Variants in SBF1 observed in about 807,000 individuals in gnomAD.
The protein encoded by SBF1 is myotubularin-related protein 5.
SBF1 carries 65 observed loss-of-function variants against 215.8 expected under a neutral mutation model. The observed-to-expected ratio is 0.30, with a 90% confidence interval of 0.25 to 0.37. The LOEUF (loss-of-function observed/expected upper bound fraction) is 0.37. Among genes scored for constraint, SBF1 ranks in the 10% least tolerant of loss-of-function variants. The pLI is 1.00. For missense variants in SBF1, 2,634 were observed against 2,667.8 expected (o/e 0.99, Z 0.28); for synonymous variants, 1,410 against 1,122.8 (o/e 1.26, Z -5.11).
chr22:50,447,508 A>G lies in SBF1; in HGVS notation c.5451+14T>C, dbSNP rs1315491754. 4 of 1,269,988 alleles carry G rather than the reference A, an allele frequency of 3.1e-6. No homozygotes were observed. Among genetic ancestry groups the G allele is most frequent in the Admixed American group, 1.9e-5 (1 of 53,786 alleles). The allele number at this position is 1,269,988 out of a possible 1,614,324, so 78.7% of individuals were successfully genotyped here. A position where few individuals can be genotyped will look rare whatever the true frequency, so the allele number is the denominator to read the frequency against. On this transcript the variant is annotated intron_variant, in intron 39 of 40. Coordinates refer to ENST00000380817, the MANE Select transcript of SBF1 (RefSeq NM_002972.4). ...CCCTCCCCCGTGAGTCCCCCCCACC[A>G]CCTGATCACTCACCTGGTGCTTGGT...
intron 36 of SBF1, among the ~76,000 whole-genome samples, chr22:50,452,723 CAAAAAAAA>C: frequency 2.5e-5 from 1 of 39,536 alleles, no homozygotes; most frequent in South Asian, 1.7e-3. Context: ...CTCCATCTCT[CAAAAAAAA>C]AAAAAAAAAA....
chr22:50,474,743 G>T, intron 1 of SBF1, 43 bp downstream of exon 1: 1 of 1,433,960 alleles, frequency 7.0e-7, no homozygotes, highest in Admixed American at 2.4e-5. Flanking sequence ...CTCAGCACTC[G>T]ACCCTCGGCC....
In SBF1 at chr22:50,463,331, G is replaced by A; in HGVS notation, c.1851C>T (p.Asp617=). Reference sequence around the variant, plus strand: ...GGACGACAAAGTCAAACTGCTGGTGGTCCAGGACCGCACGGTTCTGCTGCA... The same window carrying A: ...GGACGACAAAGTCAAACTGCTGGTGATCCAGGACCGCACGGTTCTGCTGCA... ...LHVQQNRAVL[D]HQQFDFVVRM... Residue 617 remains aspartate (D), a synonymous_variant, in exon 16 of 41, where the codon GAC becomes GAT. Coordinates refer to ENST00000380817, the MANE Select transcript of SBF1 (RefSeq NM_002972.4). 8.7e-6 allele frequency: 14 copies of A among 1,612,922 alleles called. No homozygotes were observed. The highest frequency in any genetic ancestry group is 1.2e-5 in the Non-Finnish European group (14 of 1,179,568).
chr22:50,473,298 G>C (rs982826913), intron 1 of SBF1, among the ~76,000 whole-genome samples: 3 of 152,102 alleles, frequency 2.0e-5, no homozygotes, highest in African/African-American at 7.2e-5. Context: ...ACAGCCCTCA[G>C]CCAGCCTTGC....
chr22:50,456,704 AG>A, intron 29 of SBF1, 31 bp from the exon 30 acceptor site: 1 of 1,446,094 alleles, frequency 6.9e-7, no homozygotes, highest in Non-Finnish European at 9.1e-7. Flanking sequence ...AAGCACCCAA[AG>A]GGGGCCAGGG....
intron 5 of SBF1, 91 bp downstream of exon 5, chr22:50,467,245 CTG>C: frequency 5.8e-6 from 6 of 1,037,936 alleles, no homozygotes; most frequent in Non-Finnish European, 8.8e-6. Flanking sequence ...AGGCCTCCAG[CTG>C]TGTGTGGCTC....
chr22:50,463,397 T>A lies in SBF1; in HGVS notation c.1785A>T (p.Arg595=), dbSNP rs1376129417. ...LPAVLRALKG[R]AARRCLAQEL... ...CCTGGGCGAGGCAGCGGCGGGCAGC[T>A]CGCCCCTTCAGGGCCCTCAACACGG... The change falls in exon 16 of 41, where the codon CGA becomes CGT. Residue 595 remains arginine, a synonymous_variant. Coordinates refer to ENST00000380817, the MANE Select transcript of SBF1 (RefSeq NM_002972.4). 6.3e-7 allele frequency: 1 copy of A among 1,590,146 alleles called. No individual in the cohort carries two copies. The highest frequency in any genetic ancestry group is 8.6e-7 in the Non-Finnish European group (1 of 1,167,490).
Position 50,454,854 on chromosome 22 carries a change from G to A in SBF1, c.4772C>T (p.Pro1591Leu). Residue 1591 changes from proline (P) to leucine (L), a missense_variant, in exon 35 of 41, where the codon CCT becomes CTT. Physicochemically the swap from Pro to Leu is moderately conservative, Grantham distance 98. Transcript: ENST00000380817. The part of the protein sequence containing the change: ...EYVDRLSKRT[P>L]VFHNYMYAPE... ...CGCATACATGTAATTGTGGAACACAGGCGTCCTCTTGCTCAGCCGGTCCAC... is the reference window on the plus strand; with the variant it reads ...CGCATACATGTAATTGTGGAACACAAGCGTCCTCTTGCTCAGCCGGTCCAC... 2 of 1,614,076 alleles carry A rather than the reference G, an allele frequency of 1.2e-6. No homozygotes were observed. The highest frequency in any genetic ancestry group is 1.6e-4 in the Middle Eastern group (1 of 6,062).
In SBF1 at chr22:50,464,363, T is replaced by C. The variant is rs747142107; in HGVS notation, c.1715A>G (p.Tyr572Cys). 9.3e-6 allele frequency: 15 copies of C among 1,613,922 alleles called. No homozygotes were observed. The highest frequency in any genetic ancestry group is 5.0e-5 in the Admixed American group (3 of 60,006). ...RLEVVRNCIS[Y>C]VFEGKMLEAK... is the part of the protein sequence containing the mutation. ...CTCAAGCATTTTCCCCTCAAACACG[T>C]AGGAGATGCAGTTGCGCACAACCTC... The change falls in exon 15 of 41, where the codon TAC becomes TGC. Residue 572 changes from tyrosine (Y) to cysteine (C), a missense_variant. Coordinates refer to ENST00000380817, the MANE Select transcript of SBF1 (RefSeq NM_002972.4).
chr22:50,466,708 C>T lies in SBF1; in HGVS notation c.552G>A (p.Arg184=). The stretch of plus-strand genomic sequence containing the variant: ...GGTCACCAGCCCCCAAAGAGATCGT[C>T]CTCTGCAGCAAAAAAAGGATCGGGG... ...CTVPLAGGSQ[R]TISLGAGDRQ... Residue 184 remains arginine (R), a splice_region_variant and synonymous_variant, in exon 6 of 41, where the codon AGG becomes AGA. Coordinates refer to ENST00000380817, the MANE Select transcript of SBF1 (RefSeq NM_002972.4). 6.6e-7 allele frequency: 1 copy of T among 1,526,582 alleles called. No homozygotes were observed. Among genetic ancestry groups the T allele is most frequent in the East Asian group, 2.5e-5 (1 of 40,476 alleles). 94.6% of individuals were successfully genotyped at this position (1,526,582 alleles called of 1,614,324 possible).
At chr22:50,463,890 C>A (rs1426298751) in intron 15 of SBF1, among the ~76,000 whole-genome samples, 1 of 152,126 alleles carries the variant, frequency 6.6e-6, no homozygotes, top group Non-Finnish European at 1.5e-5. Flanking sequence ...GATGAAAGAC[C>A]CCAGAGGCGT....
chr22:50,458,084 G>T (rs2067329756), intron 28 of SBF1, among the ~76,000 whole-genome samples: 1 of 152,126 alleles, frequency 6.6e-6, no homozygotes, highest in Admixed American at 6.5e-5. Flanking sequence ...CGGATCACCA[G>T]GTCAGGAGAT....
At chr22:50,461,110 G>C (rs751494605) in intron 23 of SBF1, 49 bp downstream of exon 23, 2 of 1,543,604 alleles carry the variant, frequency 1.3e-6, no homozygotes, top group Admixed American at 2.0e-5. Flanking sequence ...GTTTGCAGGA[G>C]AAAGACCAGG....
chr22:50,467,628 G>A lies in SBF1; in HGVS notation c.342C>T (p.Thr114=), dbSNP rs1422668393. ...GGGCAGGTGCTGTGGGAGACAGGTG[G>A]GTCTGGCCTCCCTCATCCCCCTCTT... The part of the protein sequence containing the change: ...REEEGDEGGQ[T]HLSPTAPAPS... Residue 114 remains threonine, a synonymous_variant, in exon 4 of 41, where the codon ACC becomes ACT. Transcript: ENST00000380817. 1.9e-6 allele frequency: 3 copies of A among 1,614,016 alleles called. No homozygotes were observed. Among genetic ancestry groups the A allele is most frequent in the East Asian group, 4.5e-5 (2 of 44,878 alleles).
chr22:50,462,186 C>A lies in SBF1; in HGVS notation c.2396+19G>T, dbSNP rs2067545624. On this transcript the variant is annotated intron_variant, in intron 19 of 40. Coordinates refer to ENST00000380817, the MANE Select transcript of SBF1 (RefSeq NM_002972.4). ...ACGGCCCCGCCTCCACTGGGCCCAACCCCCAGTCCCTGCCTCACCTGTTGG... is the reference window on the plus strand; with the variant it reads ...ACGGCCCCGCCTCCACTGGGCCCAAACCCCAGTCCCTGCCTCACCTGTTGG... 1 of 1,606,740 alleles carries A rather than the reference C, an allele frequency of 6.2e-7. No individual in the cohort carries two copies.
chr22:50,455,076 G>A lies in SBF1; in HGVS notation c.4621C>T (p.His1541Tyr), dbSNP rs2067194514. The part of the protein sequence containing the change: ...QFYLKFLGYH[H>Y]VSRRFRTFLL... ...AAGGTCCGGAAACGGCGGGACACAT[G>A]GTGGTAGCCGAGGAACTTGAGGTAG... Residue 1541 changes from histidine (H) to tyrosine (Y), a missense_variant, in exon 34 of 41, where the codon CAT (histidine) becomes TAT (tyrosine). His to Tyr is a moderately conservative substitution (Grantham distance 83, BLOSUM62 2). Coordinates refer to ENST00000380817, the MANE Select transcript of SBF1 (RefSeq NM_002972.4). The A allele has an allele frequency of 1.2e-6, 2 of 1,614,120 alleles. No homozygotes were observed. Among genetic ancestry groups the A allele is most frequent in the Non-Finnish European group, 1.7e-6 (2 of 1,180,038 alleles).
Position 50,460,116 on chromosome 22 carries a change from G to T in SBF1, c.3327C>A (p.Ala1109=). The T allele has an allele frequency of 6.2e-7, 1 of 1,613,178 alleles. No homozygotes were observed. Residue 1109 remains alanine (A), a synonymous_variant, in exon 26 of 41, where the codon GCC becomes GCA. Transcript: ENST00000380817. ...TGGTCATGCGGTCGGAGGGCTTCAGGGCTGAGGACGGGGTCAGCGTGCTGG... is the reference window on the plus strand; with the variant it reads ...TGGTCATGCGGTCGGAGGGCTTCAGTGCTGAGGACGGGGTCAGCGTGCTGG... The part of the protein sequence containing the change: ...LEPSTLTPSS[A]LKPSDRMTMS...
At chr22:50,457,491 C>T (rs576967942) in intron 28 of SBF1, 108 of 217,800 alleles carry the variant, frequency 5.0e-4, no homozygotes, top group African/African-American at 2.2e-3. Context: ...CAGCTCAGAA[C>T]GCTCCACACA....
At chr22:50,470,722 A>ATTTTTTTTTTAAT in intron 1 of SBF1, among the ~76,000 whole-genome samples, 1 of 152,230 alleles carries the variant, frequency 6.6e-6, no homozygotes, top group African/African-American at 2.4e-5. Context: ...TAGGGCTTGT[A>ATTTTTTTTTTAAT]GAACACGTAC....
Sources: allele counts gnomAD v4.1 joint callset (sites outside exome capture counted in the v4.1 genomes callset), GRCh38; gene constraint gnomAD v4.1.1; transcripts MANE v1.5; gene names NCBI Gene and HGNC (gene_info 2026-07-23, HGNC 2026-07-21).